RASA1: variants seen among roughly 807,000 people sequenced by gnomAD.
The protein encoded by RASA1 is ras GTPase-activating protein 1.
Under a neutral mutation model 132.2 loss-of-function variants are expected in RASA1, and 25 were observed. The ratio of observed to expected loss-of-function variants is 0.19; its 90% confidence interval spans 0.14 to 0.26. The LOEUF (loss-of-function observed/expected upper bound fraction) is 0.26, where lower values mean the gene tolerates loss of function less well. Among genes scored for constraint, RASA1 ranks in the 10% least tolerant of loss-of-function variants. RASA1 has a pLI of 1.00. For synonymous variants in RASA1, 477 were observed against 449.9 expected, an observed-to-expected ratio of 1.06 and a Z score of -0.76; for missense variants, 964 against 1,299.2, an observed-to-expected ratio of 0.74 and a Z score of 3.97.
At chr5:87,302,598 A>G (rs774918378) in intron 1 of RASA1, among the ~76,000 whole-genome samples, 17 of 151,408 alleles carry the variant, frequency 1.1e-4, no homozygotes, top group African/African-American at 1.7e-4. Context: ...ATAGTATACT[A>G]TACTGTATAG....
At chr5:87,296,854 C>G (rs1368218670) in intron 1 of RASA1, among the ~76,000 whole-genome samples, 1 of 152,126 alleles carries the variant, frequency 6.6e-6, no homozygotes, top group Non-Finnish European at 1.5e-5. Context: ...CTGATATGAA[C>G]TTGGAAATTC....
At chr5:87,320,326 T>C (rs1756693380) in intron 1 of RASA1, among the ~76,000 whole-genome samples, 1 of 152,246 alleles carries the variant, frequency 6.6e-6, no homozygotes, top group African/African-American at 2.4e-5. Context: ...GGTATCTTTA[T>C]AGCAGTGCCA....
intron 1 of RASA1, among the ~76,000 whole-genome samples, chr5:87,276,005 C>T (rs1266839707): frequency 6.6e-6 from 1 of 152,102 alleles, no homozygotes; most frequent in African/African-American, 2.4e-5. Context: ...GGTCACATAA[C>T]CCAGTGTGCA....
chr5:87,354,895 A>AAAT (rs1010932490), intron 9 of RASA1, among the ~76,000 whole-genome samples: 2 of 152,208 alleles, frequency 1.3e-5, no homozygotes, highest in Non-Finnish European at 2.9e-5. Context: ...ATTGAAGATT[A>AAAT]AACCAGGGAT....
chr5:87,351,103 A>G (rs556607948), intron 8 of RASA1, among the ~76,000 whole-genome samples: 1 of 151,758 alleles, frequency 6.6e-6, no homozygotes, highest in Admixed American at 6.6e-5. Flanking sequence ...TGAGACCTTG[A>G]TAAAGAGGGA....
At chr5:87,335,225 T>C (rs554954278) in intron 4 of RASA1, among the ~76,000 whole-genome samples, 4 of 152,166 alleles carry the variant, frequency 2.6e-5, no homozygotes, top group East Asian at 1.9e-4. Context: ...GAGAGAATGT[T>C]TGACATTTTT....
At position 87,374,263 on chromosome 5, in the gene RASA1, CA is replaced by C; in HGVS notation, c.1882del (p.Thr628LeufsTer29). Reference sequence around the variant, plus strand: ...ATCTACCTGAATAGTGTCCAAGTAGCAAAAACTCATGCAAGGGAAGGGCAAA... The same window carrying C: ...ATCTACCTGAATAGTGTCCAAGTAGCAAAACTCATGCAAGGGAAGGGCAAA... Reference protein sequence around the residue: ...CNIYLNSVQVAKTHAREGQNP... With the variant: ...CNIYLNSVQVXKTHAREGQNP... On this transcript the variant is annotated frameshift_variant, in exon 14 of 25. Coordinates refer to ENST00000274376, the MANE Select transcript of RASA1 (RefSeq NM_002890.3). LOFTEE classifies it high-confidence loss of function. 6.2e-7 allele frequency: 1 copy of C among 1,602,216 alleles called. No homozygotes were observed. Among genetic ancestry groups the C allele is most frequent in the Non-Finnish European group, 8.5e-7 (1 of 1,173,218 alleles).
At chr5:87,360,124 G>GTTTT (rs755443447) in intron 9 of RASA1, among the ~76,000 whole-genome samples, 3 of 132,702 alleles carry the variant, frequency 2.3e-5, no homozygotes, top group Admixed American at 7.6e-5. Flanking sequence ...TCAAAATGCA[G>GTTTT]TTTTTTTTTT....
intron 11 of RASA1, chr5:87,366,368 G>A (rs1413465755): frequency 6.9e-6 from 3 of 433,432 alleles, no homozygotes; most frequent in Admixed American, 4.9e-5. Flanking sequence ...TAGATTGGAA[G>A]TCTGTTGGCA....
intron 1 of RASA1, among the ~76,000 whole-genome samples, chr5:87,277,307 C>T (rs1413755506): frequency 1.3e-5 from 2 of 152,086 alleles, no homozygotes; most frequent in East Asian, 1.9e-4. Context: ...CTTAATAGTT[C>T]CCCCCTGTCC....
intron 4 of RASA1, among the ~76,000 whole-genome samples, chr5:87,334,453 GA>G (rs1383175942): frequency 3.9e-5 from 6 of 152,154 alleles, no homozygotes; most frequent in Non-Finnish European, 7.3e-5. Flanking sequence ...CCCTCACAGA[GA>G]AACCCAGAAA....
At chr5:87,379,935 G>A (rs1761592886) in intron 19 of RASA1, 85 bp downstream of exon 19, 1 of 1,336,890 alleles carries the variant, frequency 7.5e-7, no homozygotes, top group Non-Finnish European at 1.1e-6. Context: ...AAGCTTTTCT[G>A]TTGTCCTAAT....
chr5:87,296,115 C>G (rs1017416631), intron 1 of RASA1, among the ~76,000 whole-genome samples: 1 of 151,768 alleles, frequency 6.6e-6, no homozygotes, highest in African/African-American at 2.4e-5. Context: ...CTACAACCAG[C>G]CTTTTTTTTT....
intron 1 of RASA1, among the ~76,000 whole-genome samples, chr5:87,303,921 C>T (rs1431249964): frequency 6.6e-6 from 1 of 150,890 alleles, no homozygotes; most frequent in Non-Finnish European, 1.5e-5. Flanking sequence ...GCAAACTGCA[C>T]CTCCTGGGTT....
chr5:87,269,147 T>C (rs753173928), intron 1 of RASA1, 157 bp downstream of exon 1: 189 of 1,613,022 alleles, frequency 1.2e-4, no homozygotes, highest in Non-Finnish European at 1.5e-4. Context: ...TCTGATCACT[T>C]ATCTTCCTTA....
At chr5:87,301,925 G>A (rs1261931922) in intron 1 of RASA1, among the ~76,000 whole-genome samples, 2 of 152,084 alleles carry the variant, frequency 1.3e-5, no homozygotes, top group African/African-American at 4.8e-5. Context: ...TACCAACAGT[G>A]TATTATCCTT....
chr5:87,304,841 C>A (rs777593817), intron 1 of RASA1, among the ~76,000 whole-genome samples: 1 of 149,554 alleles, frequency 6.7e-6, no homozygotes, highest in African/African-American at 2.5e-5. Flanking sequence ...TGTATTTACT[C>A]TTTATGATGC....
chr5:87,326,551 AAAG>A (rs1485641172), intron 1 of RASA1, among the ~76,000 whole-genome samples: 4 of 152,184 alleles, frequency 2.6e-5, no homozygotes, highest in African/African-American at 7.2e-5. Context: ...TTAGAGAGGC[AAAG>A]AAGAAGAGAG....
chr5:87,352,902 C>T (rs1265311069), intron 8 of RASA1, among the ~76,000 whole-genome samples: 2 of 151,760 alleles, frequency 1.3e-5, no homozygotes, highest in Non-Finnish European at 2.9e-5. Flanking sequence ...TATTGTTGAC[C>T]TGGCTGCCCA....
Sources: allele counts gnomAD v4.1 joint callset (sites outside exome capture counted in the v4.1 genomes callset), GRCh38; gene constraint gnomAD v4.1.1; transcripts MANE v1.5; gene names NCBI Gene and HGNC (gene_info 2026-07-23, HGNC 2026-07-21).